The following DCHS2 variants were observed in gnomAD, a reference collection of about 807,000 sequenced individuals.
DCHS2 encodes the protein protocadherin-23.
Under a neutral mutation model 182.4 loss-of-function variants are expected in DCHS2, and 142 were observed. The ratio of observed to expected loss-of-function variants is 0.78; its 90% confidence interval spans 0.68 to 0.89. DCHS2 has a LOEUF of 0.89. Ranked by LOEUF, DCHS2 falls within the 40% of genes least tolerant of loss-of-function variation. The pLI, the probability that DCHS2 is intolerant of heterozygous loss-of-function variation, is 0.00. For missense variants in DCHS2, 4,319 were observed against 4,198.6 expected (o/e 1.03, Z -0.79); for synonymous variants, 1,740 against 1,663.3 (o/e 1.05, Z -1.12).
At chr4:154,237,353 A>C (rs936221988) in intron 19 of DCHS2, 194 bp from the exon 20 acceptor site, 30 of 741,956 alleles carry the variant, frequency 4.0e-5, no homozygotes, top group Non-Finnish European at 5.8e-5. Context: ...AAGATACAGA[A>C]ATAATATTCA....
At chr4:154,389,117 T>C (rs561987046) in intron 1 of DCHS2, among the ~76,000 whole-genome samples, 1 of 152,328 alleles carries the variant, frequency 6.6e-6, no homozygotes, top group Non-Finnish European at 1.5e-5. Flanking sequence ...GGACAATAAG[T>C]AAATGAATGG....
intron 16 of DCHS2, among the ~76,000 whole-genome samples, chr4:154,245,120 G>A (rs957126858): frequency 2.6e-5 from 4 of 152,088 alleles, no homozygotes; most frequent in African/African-American, 4.8e-5. Flanking sequence ...AAAGGAAAAG[G>A]TTCCTCAATG....
rs1579133563 is a variant in DCHS2 at position 154,490,250 on chromosome 4, C to T, written c.1106G>A (p.Arg369Lys). Residue 369 changes from arginine (R) to lysine (K), a missense_variant, in exon 1 of 20, where the codon AGA becomes AAA. Physicochemically the swap from Arg to Lys is conservative, Grantham distance 26. Transcript: ENST00000357232. ...EELSGVVRVW[R>K]PLDREAQAWH... is the part of the protein sequence containing the mutation. The stretch of plus-strand genomic sequence containing the variant: ...GGCCTGTGCCTCGCGGTCCAGAGGT[C>T]TCCACACTCGCACCACGCCGCTCAG... 1 of 1,549,528 alleles carries T rather than the reference C, an allele frequency of 6.5e-7. No homozygotes were observed. Among genetic ancestry groups the T allele is most frequent in the East Asian group, 2.4e-5 (1 of 40,894 alleles).
chr4:154,359,909 TG>T (rs1387448127), intron 3 of DCHS2, among the ~76,000 whole-genome samples: 1 of 152,056 alleles, frequency 6.6e-6, no homozygotes, highest in Non-Finnish European at 1.5e-5. Flanking sequence ...CCTGTCACAA[TG>T]AGAGGTCATT....
Position 154,471,865 on chromosome 4 carries a change from T to C in DCHS2, c.2052+17439A>G, listed in dbSNP as rs570838807. Among the ~76,000 whole-genome samples the C allele has an allele frequency of 2.0e-5, 3 of 152,118 alleles. No homozygotes were observed. The East Asian group carries it at 5.8e-4, about 30-fold the overall frequency. Reference sequence around the variant, plus strand: ...AAGCAGAGAACAGCAATGCTCACAGTCCAGATTTTAAAGGTGATGCATAGT... The same window carrying C: ...AAGCAGAGAACAGCAATGCTCACAGCCCAGATTTTAAAGGTGATGCATAGT... On this transcript the variant is annotated intron_variant, in intron 1 of 19. Coordinates refer to ENST00000357232, the MANE Select transcript of DCHS2 (RefSeq NM_001358235.2).
At chr4:154,406,468 C>T (rs535444636) in intron 1 of DCHS2, among the ~76,000 whole-genome samples, 1 of 152,258 alleles carries the variant, frequency 6.6e-6, no homozygotes, top group Non-Finnish European at 1.5e-5. Flanking sequence ...ACATCTGTCT[C>T]ATATATTCTG....
chr4:154,333,221 G>T lies in DCHS2; in HGVS notation c.2987C>A (p.Thr996Lys). The T allele has an allele frequency of 6.2e-7, 1 of 1,614,232 alleles. No homozygotes were observed. The highest frequency in any genetic ancestry group is 8.5e-7 in the Non-Finnish European group (1 of 1,180,038). Residue 996 changes from threonine (T) to lysine (K), a missense_variant, in exon 5 of 20, where the codon ACA (threonine) becomes AAA (lysine). Coordinates refer to ENST00000357232, the MANE Select transcript of DCHS2 (RefSeq NM_001358235.2). ...TTCCGCACGTGCGAGGTACAAGGCT[G>T]TGCCAGGGGGCGTGGTCTGGGATAT... ...IRISQTTPPGTALYLARAEDR... is the reference protein window; with the variant it reads ...IRISQTTPPGKALYLARAEDR...
At chr4:154,434,222 C>T (rs1013260811) in intron 1 of DCHS2, among the ~76,000 whole-genome samples, 1 of 152,134 alleles carries the variant, frequency 6.6e-6, no homozygotes, top group African/African-American at 2.4e-5. Context: ...TTGCTTGAGA[C>T]CAACCTGGAC....
At chr4:154,311,873 T>C (rs1735683015) in intron 10 of DCHS2, among the ~76,000 whole-genome samples, 2 of 152,100 alleles carry the variant, frequency 1.3e-5, no homozygotes, top group Non-Finnish European at 2.9e-5. Context: ...ATACTATATA[T>C]TAAATGTATT....
intron 1 of DCHS2, among the ~76,000 whole-genome samples, chr4:154,467,369 A>G (rs1735281569): frequency 1.3e-5 from 2 of 152,188 alleles, no homozygotes; most frequent in Non-Finnish European, 1.5e-5. Flanking sequence ...ACCAGGTTAT[A>G]TTTCCTATTA....
In DCHS2 at chr4:154,384,417, A is replaced by T. The variant is rs781485815; in HGVS notation, c.2053-6973T>A. On this transcript the variant is annotated intron_variant, in intron 1 of 19. Transcript: ENST00000357232. ...GTTCTCTTCCTGGCTTCTGAACACT[A>T]TAGCACCCCAGAGCTCAGTCTCGGG... is the stretch of plus-strand genomic sequence containing the variant. 6 of 1,613,136 alleles carry T rather than the reference A, an allele frequency of 3.7e-6. No homozygotes were observed. In the African/African-American group the frequency reaches 5.3e-5, roughly 14 times the overall value.
chr4:154,381,853 G>A lies in DCHS2; in HGVS notation c.2053-4409C>T, dbSNP rs113374072. On this transcript the variant is annotated intron_variant, in intron 1 of 19. Coordinates refer to ENST00000357232, the MANE Select transcript of DCHS2 (RefSeq NM_001358235.2). ...AGAATCAATATTGTTAAAATGGCCA[G>A]ACTGTCTAAAGCAATCTATAGATTC... Among the ~76,000 whole-genome samples, 5 of 152,088 alleles carry A rather than the reference G, an allele frequency of 3.3e-5. 1 individual carries two copies. The highest frequency in any genetic ancestry group is 1.2e-4 in the African/African-American group (5 of 41,540).
At chr4:154,352,545 T>G (rs556747662) in intron 3 of DCHS2, 11 of 152,264 alleles carry the variant, frequency 7.2e-5, no homozygotes, top group African/African-American at 2.4e-4. Flanking sequence ...TAAAATTAAG[T>G]ATAAAATAAA....
At position 154,237,102 on chromosome 4, in the gene DCHS2, A is replaced by T. The variant is rs748032360; in HGVS notation, c.7550T>A (p.Phe2517Tyr). The T allele has an allele frequency of 6.2e-7, 1 of 1,613,536 alleles. No homozygotes were observed. The highest frequency in any genetic ancestry group is 8.5e-7 in the Non-Finnish European group (1 of 1,179,870). ...LLLDTISTTQ[F>Y]LVEASDGGNP... The stretch of plus-strand genomic sequence containing the variant: ...TCCACCATCACTGGCTTCCACAAGA[A>T]ATTGAGTTGTTGATATTGTATCCAG... The change falls in exon 20 of 20, where the codon TTT becomes TAT. Residue 2517 changes from phenylalanine (F) to tyrosine (Y), a missense_variant. By Grantham distance (22) the Phe-to-Tyr change is conservative. Transcript: ENST00000357232.
In DCHS2 at chr4:154,232,376, T is replaced by TA; in HGVS notation, c.*2159dup. On this transcript the variant is annotated 3_prime_UTR_variant, in exon 20 of 20. Transcript: ENST00000357232. Reference sequence around the variant, plus strand: ...GATACAGACTGATAAACCCATCAATTAAAAATCCATTAAATATTGGTAAAA... The same window carrying TA: ...GATACAGACTGATAAACCCATCAATTAAAAAATCCATTAAATATTGGTAAAA... 1 of 152,130 alleles carries TA rather than the reference T, an allele frequency of 6.6e-6. No homozygotes were observed. The highest frequency in any genetic ancestry group is 1.5e-5 in the Non-Finnish European group (1 of 68,018). 9.4% of individuals were successfully genotyped at this position (152,130 alleles called of 1,614,324 possible).
In DCHS2 at chr4:154,490,018, A is replaced by G. The variant is rs1172940346; in HGVS notation, c.1338T>C (p.Gly446=). The stretch of plus-strand genomic sequence containing the variant: ...TGGCCTCATCTTCCTTCTCCCAGTC[A>G]CCGTCCGCGTCAGACACCGAGACGC... The part of the protein sequence containing the change: ...VARVSVSDAD[G]DWEKEDEATG... The change falls in exon 1 of 20, where the codon GGT becomes GGC. Residue 446 remains glycine (G), a synonymous_variant. Coordinates refer to ENST00000357232, the MANE Select transcript of DCHS2 (RefSeq NM_001358235.2). 3.9e-6 allele frequency: 6 copies of G among 1,545,656 alleles called. No homozygotes were observed. Among genetic ancestry groups the G allele is most frequent in the Non-Finnish European group, 5.2e-6 (6 of 1,146,202 alleles).
rs747748828 is a variant in DCHS2, at chr4:154,391,144, T to C, written c.2053-13700A>G. ...ACAGACTTATAAAAGCTGATACTTA[T>C]TTTTAATTTTTGTTCTTACCTCTGA... On this transcript the variant is annotated intron_variant, in intron 1 of 19. Transcript: ENST00000357232. 1.1e-5 allele frequency: 17 copies of C among 1,603,158 alleles called. No individual in the cohort carries two copies. The Admixed American group carries it at 1.2e-4, about 11-fold the overall frequency.
At chr4:154,267,775 T>C (rs1490726569) in intron 14 of DCHS2, among the ~76,000 whole-genome samples, 1 of 152,224 alleles carries the variant, frequency 6.6e-6, no homozygotes, top group East Asian at 1.9e-4. Flanking sequence ...ATTCAACATC[T>C]TCAGAAATGC....
intron 1 of DCHS2, among the ~76,000 whole-genome samples, chr4:154,480,399 T>C (rs1451832457): frequency 6.6e-6 from 1 of 152,244 alleles, no homozygotes; most frequent in Admixed American, 6.5e-5. Context: ...TTTGTCATAT[T>C]GAACAGAATT....
Sources: gnomAD v4.1 joint callset for allele counts (sites outside exome capture counted in the v4.1 genomes callset) on GRCh38, gnomAD v4.1.1 for gene constraint, MANE v1.5 for transcripts, NCBI Gene and HGNC (gene_info 2026-07-23, HGNC 2026-07-21) for gene names.